Variants in TRIM37 observed in about 807,000 individuals in gnomAD.
TRIM37 encodes tripartite motif containing 37, also known as E3 ubiquitin-protein ligase TRIM37.
In TRIM37, 80 loss-of-function variants were observed where a neutral mutation model predicts 129.8. The observed-to-expected ratio is 0.62, with a 90% confidence interval of 0.51 to 0.74. The LOEUF is 0.74. Ranked by LOEUF, TRIM37 falls within the 30% of genes least tolerant of loss-of-function variation. The pLI is 0.00. For synonymous variants in TRIM37, 389 were observed against 387.1 expected, an observed-to-expected ratio of 1.00 and a Z score of -0.06; for missense variants, 1,054 against 1,176.5, an observed-to-expected ratio of 0.90 and a Z score of 1.52.
At chr17:59,040,131 C>G (rs998704337) in intron 17 of TRIM37, among the ~76,000 whole-genome samples, 8 of 152,032 alleles carry the variant, frequency 5.3e-5, no homozygotes. Context: ...GTCTCAAACT[C>G]CTGGACTCAA....
At chr17:59,046,712 T>C (rs1346316286) in intron 16 of TRIM37, among the ~76,000 whole-genome samples, 1 of 151,524 alleles carries the variant, frequency 6.6e-6, no homozygotes, top group Non-Finnish European at 1.5e-5. Flanking sequence ...AATTTCTTTT[T>C]TGTATTTTTA....
At chr17:59,064,849 T>A (rs2041800194) in intron 9 of TRIM37, among the ~76,000 whole-genome samples, 2 of 151,934 alleles carry the variant, frequency 1.3e-5, no homozygotes, top group Admixed American at 1.3e-4. Flanking sequence ...AGGTGGAGGT[T>A]GCGGTGATTC....
intron 24 of TRIM37, among the ~76,000 whole-genome samples, chr17:58,992,363 C>G (rs1279644454): frequency 1.4e-5 from 2 of 146,362 alleles, no homozygotes; most frequent in Non-Finnish European, 3.0e-5. Flanking sequence ...TACTGTCAAC[C>G]AGGGAAACTC....
chr17:59,075,638 T>C lies in TRIM37; in HGVS notation c.684+9A>G, dbSNP rs1197455476. The C allele has an allele frequency of 6.9e-6, 11 of 1,586,922 alleles. No individual in the cohort carries two copies. Among genetic ancestry groups the C allele is most frequent in the Non-Finnish European group, 9.5e-6 (11 of 1,157,476 alleles). ...AAAGACTATTTCATTACATTTAATA[T>C]TTCATCACCTGGTGCTCCACCTCCT... On this transcript the variant is annotated intron_variant, in intron 8 of 23. Coordinates refer to ENST00000262294, the MANE Select transcript of TRIM37 (RefSeq NM_015294.6).
intron 1 of TRIM37, among the ~76,000 whole-genome samples, chr17:59,105,165 T>C (rs558193360): frequency 6.6e-6 from 1 of 152,214 alleles, no homozygotes; most frequent in South Asian, 2.1e-4. Context: ...TTTTAACTTT[T>C]TCTGCAATTT....
At chr17:59,071,029 T>A in intron 8 of TRIM37, 82 bp from the exon 9 acceptor site, 1 of 1,523,794 alleles carries the variant, frequency 6.6e-7, no homozygotes, top group Non-Finnish European at 9.0e-7. Context: ...TACAAATTAT[T>A]CTGATTATAA....
chr17:59,019,311 T>G (rs576393022), intron 19 of TRIM37, among the ~76,000 whole-genome samples: 1 of 152,182 alleles, frequency 6.6e-6, no homozygotes, highest in African/African-American at 2.4e-5. Context: ...TAAAATATCA[T>G]GCAGACATAA....
rs185783025 is a variant in TRIM37 at position 59,012,478 on chromosome 17, A to G, written c.2577-32T>C. 38 of 1,355,950 alleles carry G rather than the reference A, an allele frequency of 2.8e-5. No homozygotes were observed. In the African/African-American group the frequency reaches 3.4e-4, roughly 12 times the overall value. 84.0% of individuals were successfully genotyped at this position (1,355,950 alleles called of 1,614,324 possible). A position where few individuals can be genotyped will look rare whatever the true frequency, so the allele number is the denominator to read the frequency against. Reference sequence around the variant, plus strand: ...GAAGAAAACAACTTGATATTTCTCTATAACTAGTGACACAATAATCTATAT... The same window carrying G: ...GAAGAAAACAACTTGATATTTCTCTGTAACTAGTGACACAATAATCTATAT... On this transcript the variant is annotated intron_variant, in intron 21 of 23. Transcript: ENST00000262294.
intron 2 of TRIM37, among the ~76,000 whole-genome samples, chr17:59,099,344 C>G (rs1420209833): frequency 6.6e-6 from 1 of 151,574 alleles, no homozygotes; most frequent in African/African-American, 2.4e-5. Flanking sequence ...ATCTTTTATA[C>G]TGTATTTTTA....
chr17:59,014,948 C>T (rs1325849512), intron 21 of TRIM37, among the ~76,000 whole-genome samples: 1 of 148,566 alleles, frequency 6.7e-6, no homozygotes, highest in Non-Finnish European at 1.5e-5. Context: ...TGGTGGTGGG[C>T]GCCTGTAGTC....
At chr17:59,067,298 C>T (rs1485930800) in intron 9 of TRIM37, among the ~76,000 whole-genome samples, 1 of 152,264 alleles carries the variant, frequency 6.6e-6, no homozygotes, top group Non-Finnish European at 1.5e-5. Flanking sequence ...AAATTTTCTC[C>T]TCCTCTCTTA....
intron 24 of TRIM37, among the ~76,000 whole-genome samples, chr17:58,985,357 G>A (rs115001822): frequency 0.011 from 1,688 of 152,280 alleles, 35 homozygotes; most frequent in African/African-American, 0.038. Context: ...CCAGAAGAGA[G>A]GTATTTAGCC....
In TRIM37 at chr17:59,084,017, T is replaced by G; in HGVS notation, c.354A>C (p.Ala118=). 6.2e-7 allele frequency: 1 copy of G among 1,613,890 alleles called. No homozygotes were observed. Among genetic ancestry groups the G allele is most frequent in the Non-Finnish European group, 8.5e-7 (1 of 1,179,908 alleles). The change falls in exon 5 of 24, where the codon GCA becomes GCC. Residue 118 remains alanine, a synonymous_variant. Coordinates refer to ENST00000262294, the MANE Select transcript of TRIM37 (RefSeq NM_015294.6). ...TCKKCICHQC[A]LWGGMHGGHT... is the part of the protein sequence containing the mutation. ...TTCTGCTCACCATTCCTCCCCAAAGTGCACACTGATGGCAGATACACTTCT... is the reference window on the plus strand; with the variant it reads ...TTCTGCTCACCATTCCTCCCCAAAGGGCACACTGATGGCAGATACACTTCT...
chr17:58,990,708 T>TTGAACCCGGGAGGCAGAGGTTGCAG (rs1332778870), intron 24 of TRIM37, among the ~76,000 whole-genome samples: 1 of 146,830 alleles, frequency 6.8e-6, no homozygotes, highest in East Asian at 2.0e-4. Context: ...GGAGAATCAC[T>TTGAACCCGGGAGGCAGAGGTTGCAG]TGAACCCGGG....
chr17:59,068,800 C>A (rs2042125877), intron 9 of TRIM37, among the ~76,000 whole-genome samples: 2 of 152,120 alleles, frequency 1.3e-5, no homozygotes, highest in Admixed American at 1.3e-4. Context: ...AGGACTGTGG[C>A]ATCTATAACG....
chr17:59,027,797 T>C (rs985157584), intron 19 of TRIM37, among the ~76,000 whole-genome samples: 3 of 152,220 alleles, frequency 2.0e-5, no homozygotes, highest in Non-Finnish European at 4.4e-5. Flanking sequence ...ATCTAAATTC[T>C]GCCTACCTCT....
At chr17:59,060,760 A>T (rs543329744) in intron 12 of TRIM37, among the ~76,000 whole-genome samples, 209 of 152,306 alleles carry the variant, frequency 1.4e-3, no homozygotes, top group Middle Eastern at 3.4e-3. Context: ...ATGATATTTT[A>T]AAAAAATTGA....
the TRIM37 span, among the ~76,000 whole-genome samples, chr17:58,968,149 G>A: frequency 6.6e-6 from 1 of 152,158 alleles, no homozygotes; most frequent in African/African-American, 2.4e-5. Flanking sequence ...TGTCATTAAA[G>A]TTGCTGAAAG....
Position 59,106,633 on chromosome 17 carries a change from C to T in TRIM37, c.-172G>A. 1 of 742,338 alleles carries T rather than the reference C, an allele frequency of 1.3e-6. No homozygotes were observed. The highest frequency in any genetic ancestry group is 1.6e-5 in the South Asian group (1 of 62,282). 46.0% of individuals were successfully genotyped at this position (742,338 alleles called of 1,614,324 possible). A position where few individuals can be genotyped will look rare whatever the true frequency, so the allele number is the denominator to read the frequency against. On this transcript the variant is annotated 5_prime_UTR_variant, in exon 1 of 24. Transcript: ENST00000262294. ...CCCCATCTCTTCAGGTCCAGCGCCG[C>T]CTACCCCCATTTCGCCATTTTTACC...
Sources: gnomAD v4.1 joint callset for allele counts (sites outside exome capture counted in the v4.1 genomes callset) on GRCh38, gnomAD v4.1.1 for gene constraint, MANE v1.5 for transcripts, NCBI Gene and HGNC (gene_info 2026-07-23, HGNC 2026-07-21) for gene names.